RPS6KA5: variants seen among roughly 807,000 people sequenced by gnomAD.
RPS6KA5 encodes the protein ribosomal protein S6 kinase alpha-5.
RPS6KA5 carries 27 observed loss-of-function variants against 85.5 expected under a neutral mutation model. The ratio of observed to expected loss-of-function variants is 0.32; its 90% confidence interval spans 0.23 to 0.44. The LOEUF is 0.44. RPS6KA5 is among the 20% of genes least tolerant of loss of function. The pLI, the probability that RPS6KA5 is intolerant of heterozygous loss-of-function variation, is 1.00. For synonymous variants in RPS6KA5, 334 were observed against 348.2 expected (o/e 0.96, Z 0.46); for missense variants, 811 against 980.9 (o/e 0.83, Z 2.31).
chr14:90,964,927 A>C (rs1393057669), intron 3 of RPS6KA5, among the ~76,000 whole-genome samples: 1 of 149,600 alleles, frequency 6.7e-6, no homozygotes, highest in Non-Finnish European at 1.5e-5. Flanking sequence ...AAAAAAAAAA[A>C]AAAAAAAACC....
chr14:91,037,225 A>C (rs1295550869), intron 1 of RPS6KA5, among the ~76,000 whole-genome samples: 1 of 152,204 alleles, frequency 6.6e-6, no homozygotes, highest in African/African-American at 2.4e-5. Flanking sequence ...AGGCAAGAGA[A>C]GATCCCCCAG....
rs191444718 is a variant in RPS6KA5 at position 90,889,160 on chromosome 14, G to A, written c.1836+1327C>T. Among the ~76,000 whole-genome samples the A allele has an allele frequency of 3.9e-3, 598 of 152,138 alleles. 5 individuals are homozygous for A. The highest frequency in any genetic ancestry group is 0.014 in the African/African-American group (577 of 41,516). On this transcript the variant is annotated intron_variant, in intron 14 of 16. Transcript: ENST00000614987. ...AATACAAAAATTAGCCAGGCATGTT[G>A]GTGCACACTTGTAATCCCAGCTACT...
rs11851649 is a variant in RPS6KA5, at chr14:90,952,668, T to C, written c.395-5118A>G. Among the ~76,000 whole-genome samples the C allele has an allele frequency of 4.7e-3, 721 of 152,390 alleles. 6 individuals are homozygous for C. The highest frequency in any genetic ancestry group is 0.016 in the African/African-American group (682 of 41,598). ...GTTATTTGGCTTGGGGATCGGCTAATGAGTCTCAAACATCGCATGCAAATG... is the reference window on the plus strand; with the variant it reads ...GTTATTTGGCTTGGGGATCGGCTAACGAGTCTCAAACATCGCATGCAAATG... On this transcript the variant is annotated intron_variant, in intron 3 of 16. Coordinates refer to ENST00000614987, the MANE Select transcript of RPS6KA5 (RefSeq NM_004755.4).
At chr14:91,005,571 CA>C (rs1479553170) in intron 1 of RPS6KA5, among the ~76,000 whole-genome samples, 11 of 151,928 alleles carry the variant, frequency 7.2e-5, no homozygotes, top group Admixed American at 7.2e-4. Context: ...TGACAAAACA[CA>C]TAAGAAGAAA....
At chr14:90,997,535 C>T (rs1595436025) in intron 2 of RPS6KA5, among the ~76,000 whole-genome samples, 1 of 152,128 alleles carries the variant, frequency 6.6e-6, no homozygotes, top group South Asian at 2.1e-4. Flanking sequence ...CATATCACAC[C>T]ATGCCCAACC....
At chr14:90,901,972 A>AG (rs1197351751) in intron 9 of RPS6KA5, among the ~76,000 whole-genome samples, 107 of 144,236 alleles carry the variant, frequency 7.4e-4, no homozygotes, top group Middle Eastern at 4.5e-3. Flanking sequence ...GCTTGAGGCC[A>AG]GAGTTCAAGA....
intron 7 of RPS6KA5, among the ~76,000 whole-genome samples, chr14:90,919,103 C>T (rs1402201942): frequency 6.6e-6 from 1 of 152,124 alleles, no homozygotes; most frequent in African/African-American, 2.4e-5. Flanking sequence ...CAATTGAATA[C>T]CTCTGCACAC....
intron 3 of RPS6KA5, among the ~76,000 whole-genome samples, chr14:90,962,511 T>C (rs894761808): frequency 6.6e-6 from 1 of 152,096 alleles, no homozygotes; most frequent in Non-Finnish European, 1.5e-5. Flanking sequence ...GGTCTCGAAC[T>C]CCTGACTTCA....
intron 1 of RPS6KA5, among the ~76,000 whole-genome samples, chr14:91,015,440 ATT>A (rs2041448394): frequency 2.0e-5 from 3 of 152,076 alleles, no homozygotes; most frequent in Admixed American, 6.5e-5. Flanking sequence ...TACCAAATTT[ATT>A]TTGTTTATTA....
intron 3 of RPS6KA5, among the ~76,000 whole-genome samples, chr14:90,950,153 T>A (rs1392991703): frequency 5.3e-5 from 8 of 152,210 alleles, no homozygotes; most frequent in Non-Finnish European, 8.8e-5. Context: ...TTTTTGTACT[T>A]CTTTTGTTAA....
chr14:90,894,714 CTCA>C, intron 12 of RPS6KA5, 131 bp from the exon 13 acceptor site: 1 of 1,086,740 alleles, frequency 9.2e-7, no homozygotes. Flanking sequence ...AATGGCAATC[CTCA>C]TATCTTAGAG....
intron 12 of RPS6KA5, among the ~76,000 whole-genome samples, chr14:90,898,803 A>G (rs1017773227): frequency 2.6e-5 from 4 of 152,236 alleles, no homozygotes; most frequent in African/African-American, 9.6e-5. Context: ...AAGAGGGGGC[A>G]GCATGATCTG....
chr14:90,888,327 T>C (rs1392421554), intron 14 of RPS6KA5, among the ~76,000 whole-genome samples: 1 of 152,184 alleles, frequency 6.6e-6, no homozygotes, highest in Non-Finnish European at 1.5e-5. Flanking sequence ...CTTAAAGAGC[T>C]TGATGGACAT....
intron 5 of RPS6KA5, among the ~76,000 whole-genome samples, chr14:90,930,737 T>A (rs929696033): frequency 2.6e-5 from 4 of 152,158 alleles, no homozygotes; most frequent in African/African-American, 9.7e-5. Context: ...CTAATAGACA[T>A]TTCTCCAAAG....
At chr14:90,923,334 T>C (rs1458408667) in intron 5 of RPS6KA5, 138 bp from the exon 6 acceptor site, 1 of 670,060 alleles carries the variant, frequency 1.5e-6, no homozygotes, top group East Asian at 2.7e-5. Context: ...AGACCCACTC[T>C]TCACTGGAAC....
chr14:90,932,262 TACAG>T (rs1179313550), intron 5 of RPS6KA5, among the ~76,000 whole-genome samples: 18 of 152,274 alleles, frequency 1.2e-4, no homozygotes, highest in Admixed American at 1.1e-3. Flanking sequence ...TAGCTAGGAA[TACAG>T]GCACGTGCCA....
rs542879568 is a variant in RPS6KA5 at position 90,911,834 on chromosome 14, A to G, written c.807-5535T>C. Among the ~76,000 whole-genome samples, 3 of 152,296 alleles carry G rather than the reference A, an allele frequency of 2.0e-5. No homozygotes were observed. The East Asian group carries it at 5.8e-4, about 29-fold the overall frequency. On this transcript the variant is annotated intron_variant, in intron 7 of 16. Transcript: ENST00000614987. ...CTCTGCGTGTTATTATTGACTCTTT[A>G]CCCCATATGCGTATCTTAAACTATA... is the stretch of plus-strand genomic sequence containing the variant.
chr14:90,913,919 C>T (rs935808765), intron 7 of RPS6KA5, among the ~76,000 whole-genome samples: 3 of 152,186 alleles, frequency 2.0e-5, no homozygotes, highest in Non-Finnish European at 2.9e-5. Flanking sequence ...CAGAGAGCAG[C>T]AGTCAGACTA....
chr14:90,959,814 G>T (rs934438978), intron 3 of RPS6KA5, among the ~76,000 whole-genome samples: 1 of 152,174 alleles, frequency 6.6e-6, no homozygotes, highest in Non-Finnish European at 1.5e-5. Flanking sequence ...CACAGCTTTT[G>T]TGAGATTTGC....
Sources: gnomAD v4.1 joint callset for allele counts (sites outside exome capture counted in the v4.1 genomes callset) on GRCh38, gnomAD v4.1.1 for gene constraint, MANE v1.5 for transcripts, NCBI Gene and HGNC (gene_info 2026-07-23, HGNC 2026-07-21) for gene names.